Variants in VSIG4 observed in about 807,000 individuals in gnomAD.
The protein encoded by VSIG4 is V-set and immunoglobulin domain-containing protein 4.
Under a neutral mutation model 23.4 loss-of-function variants are expected in VSIG4, and 34 were observed. The observed-to-expected ratio is 1.45, with a 90% CI of 1.10 to 1.93. The LOEUF (loss-of-function observed/expected upper bound fraction) is 1.93, where lower values mean the gene tolerates loss of function less well. Among genes scored for constraint, VSIG4 ranks in the 30% most tolerant of loss-of-function variants. VSIG4 has a pLI of 0.00. For missense variants in VSIG4, 433 were observed against 310.8 expected (o/e 1.39, Z -2.96); for synonymous variants, 169 against 120.3 (o/e 1.41, Z -2.65).
intron 5 of VSIG4, among the ~76,000 whole-genome samples, chrX:66,025,768 A>C (rs2085383006): frequency 8.9e-6 from 1 of 112,285 alleles, no homozygotes; most frequent in Admixed American, 9.5e-5. Context: ...GTAAAAAGGA[A>C]CAGAGATTTG....
chrX:66,032,900 G>T, intron 2 of VSIG4, 151 bp from the exon 3 acceptor site: 1 of 608,503 alleles, frequency 1.6e-6, no homozygotes, highest in Non-Finnish European at 2.4e-6. Context: ...AAGAAGGAAA[G>T]GGCAATACAA....
chrX:66,036,963 T>C (rs1201604581), intron 1 of VSIG4, among the ~76,000 whole-genome samples: 1 of 34,928 alleles, frequency 2.9e-5, no homozygotes, highest in Non-Finnish European at 4.0e-5. Context: ...TATTATATTA[T>C]ATAATATATA....
At position 66,033,485 on chromosome X, in the gene VSIG4, C is replaced by T. The variant is rs372292131; in HGVS notation, c.401G>A (p.Arg134His). 39 of 1,201,738 alleles carry T rather than the reference C, an allele frequency of 3.2e-5. No homozygotes were observed. The highest frequency in any genetic ancestry group is 3.2e-4 in the South Asian group (18 of 55,651). ...CCATAGTGACTCACGTTTCTGGACA[C>T]GGAGCTCAGTAATCTTATCTCTCAC... is the stretch of plus-strand genomic sequence containing the variant. ...QVVRDKITEL[R>H]VQKLSVSKPT... The change falls in exon 2 of 8, where the codon CGT (arginine) becomes CAT (histidine). Residue 134 changes from arginine (R) to histidine (H), a missense_variant. Arg to His is a conservative substitution (Grantham distance 29). Transcript: ENST00000374737.
At chrX:66,025,837 G>A (rs1445093279) in intron 5 of VSIG4, among the ~76,000 whole-genome samples, 1 of 112,143 alleles carries the variant, frequency 8.9e-6, no homozygotes, top group Non-Finnish European at 1.9e-5. Context: ...CAAAGAACGT[G>A]GGTAGCTTCT....
intron 1 of VSIG4, among the ~76,000 whole-genome samples, chrX:66,037,878 AT>A (rs2085636952): frequency 9.4e-6 from 1 of 106,872 alleles, no homozygotes; most frequent in Non-Finnish European, 1.9e-5. Flanking sequence ...TGCCTGTGTA[AT>A]GGCACTGAAG....
At chrX:66,024,380 G>A (rs904344790) in intron 6 of VSIG4, among the ~76,000 whole-genome samples, 4 of 111,666 alleles carry the variant, frequency 3.6e-5, no homozygotes, top group African/African-American at 9.8e-5. Context: ...CTATAATCAG[G>A]AATAAGCTTT....
chrX:66,026,491 C>T (rs1481819966), intron 5 of VSIG4, among the ~76,000 whole-genome samples: 1 of 112,020 alleles, frequency 8.9e-6, no homozygotes, highest in Admixed American at 9.4e-5. Context: ...TCTAACTTCT[C>T]TTCTCCCAGT....
chrX:66,036,949 ATTATATTATATT>A (rs2085576035), intron 1 of VSIG4, among the ~76,000 whole-genome samples: 1 of 36,248 alleles, frequency 2.8e-5, no homozygotes, highest in African/African-American at 1.8e-4. Flanking sequence ...TATATGATAT[ATTATATTATATT>A]ATATAATATA....
chrX:66,023,091 T>C (rs1245243421), intron 6 of VSIG4, among the ~76,000 whole-genome samples: 1 of 110,874 alleles, frequency 9.0e-6, no homozygotes, highest in Non-Finnish European at 1.9e-5. Context: ...ATCCTTTTTG[T>C]CATCTTGGAC....
At chrX:66,022,687 C>G in intron 7 of VSIG4, 154 bp downstream of exon 7, 1 of 1,138,463 alleles carries the variant, frequency 8.8e-7, no homozygotes, top group Non-Finnish European at 1.2e-6. Context: ...TCAGAAGGTG[C>G]CTGAGAGAGG....
At chrX:66,033,921 G>T in intron 1 of VSIG4, 91 bp from the exon 2 acceptor site, 1 of 725,448 alleles carries the variant, frequency 1.4e-6, no homozygotes, top group Non-Finnish European at 2.1e-6. Context: ...AAAGGTTTCT[G>T]AGAAATGCCA....
rs1402300167 is a variant in VSIG4, at chrX:66,034,774, G to T, written c.56-944C>A. 3.1e-5 allele frequency among the ~76,000 whole-genome samples: 3 copies of T among 96,758 alleles called. 1 individual carries two copies. The highest frequency in any genetic ancestry group is 1.2e-4 in the Admixed American group (1 of 8,259). 84.0% of individuals were successfully genotyped at this position (96,758 alleles called of 115,157 possible). A position where few individuals can be genotyped will look rare whatever the true frequency, so the allele number is the denominator to read the frequency against. On this transcript the variant is annotated intron_variant, in intron 1 of 7. Coordinates refer to ENST00000374737, the MANE Select transcript of VSIG4 (RefSeq NM_007268.3). ...AAGGAAACCCTTGGGGATGGGGGTG[G>T]GGGTGGGGAAGGAGGTGGGGATGTT...
rs2085335203 is a variant in VSIG4 at position 66,021,869 on chromosome X, A to G, written c.*394T>C. ...TTAAAAGCTGTCTGGCCCTGAAGAA[A>G]GAGAAATGATCCTGGATATAGCTGG... On this transcript the variant is annotated 3_prime_UTR_variant, in exon 8 of 8. Coordinates refer to ENST00000374737, the MANE Select transcript of VSIG4 (RefSeq NM_007268.3). The G allele has an allele frequency of 6.3e-6, 2 of 316,832 alleles. 1 individual carries two copies. Among genetic ancestry groups the G allele is most frequent in the Admixed American group, 9.7e-5 (2 of 20,612 alleles). 26.1% of individuals were successfully genotyped at this position (316,832 alleles called of 1,213,427 possible). A position where few individuals can be genotyped will look rare whatever the true frequency, so the allele number is the denominator to read the frequency against.
At chrX:66,032,289 T>C (rs781614299) in intron 3 of VSIG4, among the ~76,000 whole-genome samples, 179 bp downstream of exon 3, 13 of 112,278 alleles carry the variant, frequency 1.2e-4, no homozygotes, top group Non-Finnish European at 1.9e-4. Flanking sequence ...TATGGCATGA[T>C]AGGCAATGTC....
chrX:66,028,992 A>G (rs1466278496), intron 3 of VSIG4, among the ~76,000 whole-genome samples: 1 of 111,954 alleles, frequency 8.9e-6, no homozygotes, highest in East Asian at 2.8e-4. Context: ...TAAGATTTCC[A>G]TAGGGATTTT....
Position 66,033,586 on chromosome X carries a change from C to T in VSIG4, c.300G>A (p.Leu100=). 8.3e-7 allele frequency: 1 copy of T among 1,211,261 alleles called. No individual in the cohort carries two copies. Among genetic ancestry groups the T allele is most frequent in the South Asian group, 1.8e-5 (1 of 56,942 alleles). The change falls in exon 2 of 8, where the codon TTG becomes TTA. Residue 100 remains leucine (L), a synonymous_variant. Coordinates refer to ENST00000374737, the MANE Select transcript of VSIG4 (RefSeq NM_007268.3). ...HKVPGDVSLQ[L]STLEMDDRSH... ...TCCGGTCATCCATCTCCAGGGTGCT[C>T]AATTGGAGGGATACATCTCCTGGAA...
In VSIG4 at chrX:66,025,113, GA is replaced by G. The variant is rs761774620; in HGVS notation, c.851del (p.Val284AlafsTer51). ...AGGAGATGATGAGGATGATGGCAAA[GA>G]CAGGCAGGCTCTTTCCTAGAGGGTA... ...TSAGPGKSLPVFAIILIISLC... is the reference protein window; with the variant it reads ...TSAGPGKSLPXFAIILIISLC... On this transcript the variant is annotated frameshift_variant, in exon 6 of 8. Coordinates refer to ENST00000374737, the MANE Select transcript of VSIG4 (RefSeq NM_007268.3). LOFTEE classifies it high-confidence loss of function. 3.3e-6 allele frequency: 4 copies of G among 1,197,890 alleles called. No individual in the cohort carries two copies. Among genetic ancestry groups the G allele is most frequent in the Non-Finnish European group, 4.5e-6 (4 of 888,114 alleles).
chrX:66,039,921 C>T lies in VSIG4; in HGVS notation c.55+23G>A, dbSNP rs940706787. 39 of 1,207,883 alleles carry T rather than the reference C, an allele frequency of 3.2e-5. No homozygotes were observed. In the East Asian group the frequency reaches 1.2e-3, roughly 36 times the overall value. ...CTTTTGCCTAAGCCAGCAATGGCAG[C>T]CAGGCCCCCCTTTCTGCCTTACCAT... On this transcript the variant is annotated intron_variant, in intron 1 of 7. Transcript: ENST00000374737.
intron 1 of VSIG4, among the ~76,000 whole-genome samples, chrX:66,035,982 C>T (rs866282072): frequency 8.9e-6 from 1 of 111,762 alleles, no homozygotes; most frequent in Non-Finnish European, 1.9e-5. Flanking sequence ...CTCAGTCTGG[C>T]CTATCAAGAA....
Sources: gnomAD v4.1 joint callset for allele counts (sites outside exome capture counted in the v4.1 genomes callset) on GRCh38, gnomAD v4.1.1 for gene constraint, MANE v1.5 for transcripts, NCBI Gene and HGNC (gene_info 2026-07-23, HGNC 2026-07-21) for gene names.